The following LMX1A variants were observed in gnomAD, a reference collection of about 807,000 sequenced individuals.
The protein encoded by LMX1A is LIM homeobox transcription factor 1 alpha.
In LMX1A, 15 loss-of-function variants were observed where a neutral mutation model predicts 49.1. The observed-to-expected ratio is 0.31, with a 90% CI of 0.20 to 0.47. The LOEUF is 0.47. Among genes scored for constraint, LMX1A ranks in the 20% least tolerant of loss-of-function variants. The probability of loss-of-function intolerance (pLI) is 1.00; values close to 1 mark genes in which losing one functional copy is unlikely to be tolerated. For synonymous variants in LMX1A, 167 were observed against 185.7 expected (o/e 0.90, Z 0.82); for missense variants, 372 against 475.8 (o/e 0.78, Z 2.03).
At chr1:165,352,014 C>T (rs953099664) in intron 3 of LMX1A, among the ~76,000 whole-genome samples, 3 of 152,222 alleles carry the variant, frequency 2.0e-5, no homozygotes, top group Admixed American at 6.5e-5. Flanking sequence ...TCAACCTACA[C>T]CAGTCCTAAT....
Position 165,221,038 on chromosome 1 carries a change from T to C in LMX1A, c.497-7225A>G, listed in dbSNP as rs77172592. 6.5e-3 allele frequency among the ~76,000 whole-genome samples: 990 copies of C among 152,268 alleles called. 37 individuals carry two copies. In the East Asian group the frequency reaches 0.094, roughly 14 times the overall value. On this transcript the variant is annotated intron_variant, in intron 4 of 8. Transcript: ENST00000342310. ...ACCCTATGAGACAGGAAATGCCTTGTTATCGGTTTTTTACAGATGAGCAAA... is the reference window on the plus strand; with the variant it reads ...ACCCTATGAGACAGGAAATGCCTTGCTATCGGTTTTTTACAGATGAGCAAA...
intron 5 of LMX1A, chr1:165,213,405 CA>C (rs1651505678): frequency 2.2e-6 from 1 of 446,638 alleles, no homozygotes; most frequent in Non-Finnish European, 3.9e-6. Context: ...AAAGGTGTGA[CA>C]GGGGCCATTT....
At chr1:165,208,020 C>G in intron 7 of LMX1A, 43 bp downstream of exon 7, 1 of 1,584,032 alleles carries the variant, frequency 6.3e-7, no homozygotes, top group Non-Finnish European at 8.7e-7. Flanking sequence ...TAGGAACAGC[C>G]TGGATTCCAG....
chr1:165,213,901 C>T, intron 4 of LMX1A, 88 bp from the exon 5 acceptor site: 2 of 1,163,358 alleles, frequency 1.7e-6, no homozygotes, highest in Non-Finnish European at 2.5e-6. Flanking sequence ...TCCAGGTCCA[C>T]ATTTCCAGGA....
In LMX1A at chr1:165,355,544, T is replaced by C; in HGVS notation, c.16A>G (p.Lys6Glu). Residue 6 changes from lysine to glutamate, a missense_variant, in exon 2 of 9, where the codon AAG becomes GAG. By Grantham distance (56) the Lys-to-Glu change is moderately conservative (BLOSUM62 1). Coordinates refer to ENST00000342310, the MANE Select transcript of LMX1A (RefSeq NM_177398.4). This position sits in a 1 kb window ranked among gnomAD's most constrained non-coding sequence, Gnocchi z 4.7. ...GCGCTTTGGAAGTTCTCCTCCATCT[T>C]TAGGCCGTCCAGCATGTTCGGGCCG... MLDGLKMEENFQSAID... is the reference protein window; with the variant it reads MLDGLEMEENFQSAID... 6.2e-7 allele frequency: 1 copy of C among 1,613,866 alleles called. No individual in the cohort carries two copies. Among genetic ancestry groups the C allele is most frequent in the Non-Finnish European group, 8.5e-7 (1 of 1,179,948 alleles).
intron 3 of LMX1A, among the ~76,000 whole-genome samples, chr1:165,294,921 G>A (rs1057405971): frequency 2.0e-5 from 3 of 152,058 alleles, no homozygotes; most frequent in Admixed American, 1.3e-4. Flanking sequence ...CCGAGATCAC[G>A]CCAGTGCACA....
intron 4 of LMX1A, among the ~76,000 whole-genome samples, chr1:165,215,346 G>A (rs1021712904): frequency 6.6e-6 from 1 of 152,092 alleles, no homozygotes; most frequent in African/African-American, 2.4e-5. Flanking sequence ...AAAGCCATAG[G>A]CAATTCTATG....
At chr1:165,233,706 T>A (rs1443468297) in intron 4 of LMX1A, among the ~76,000 whole-genome samples, 5 of 152,302 alleles carry the variant, frequency 3.3e-5, no homozygotes, top group African/African-American at 1.2e-4. Context: ...GAACTCTCAG[T>A]CATCCTCAAC....
chr1:165,342,919 C>T (rs1401453824), intron 3 of LMX1A, among the ~76,000 whole-genome samples: 1 of 152,014 alleles, frequency 6.6e-6, no homozygotes, highest in East Asian at 1.9e-4. Context: ...TCCCAGTTTC[C>T]TCTTCCCCAA....
chr1:165,237,658 T>C (rs1411947470), intron 4 of LMX1A, among the ~76,000 whole-genome samples: 1 of 152,222 alleles, frequency 6.6e-6, no homozygotes, highest in African/African-American at 2.4e-5. Context: ...AGAATCCAGA[T>C]GGTTCTAAAA....
At chr1:165,204,802 GC>G (rs1223260072) in intron 8 of LMX1A, among the ~76,000 whole-genome samples, 1 of 152,152 alleles carries the variant, frequency 6.6e-6, no homozygotes, top group Non-Finnish European at 1.5e-5. Context: ...AAATGTGTTT[GC>G]CCTGTTTTCC....
chr1:165,204,453 CTG>C (rs1390290069), intron 8 of LMX1A, among the ~76,000 whole-genome samples: 6 of 152,212 alleles, frequency 3.9e-5, no homozygotes, highest in Non-Finnish European at 8.8e-5. Context: ...ATGAAAACTC[CTG>C]TGATAACATT....
chr1:165,327,065 G>A (rs1655607303), intron 3 of LMX1A, among the ~76,000 whole-genome samples: 1 of 152,150 alleles, frequency 6.6e-6, no homozygotes, highest in African/African-American at 2.4e-5. Context: ...TTGATGGGCA[G>A]CTGAAAACAT....
At chr1:165,326,950 C>T (rs139625464) in intron 3 of LMX1A, among the ~76,000 whole-genome samples, 29 of 152,334 alleles carry the variant, frequency 1.9e-4, no homozygotes, top group African/African-American at 6.5e-4. Context: ...CCCAGACACA[C>T]ACACAGAACA....
intron 3 of LMX1A, among the ~76,000 whole-genome samples, chr1:165,331,859 G>A (rs542471855): frequency 2.6e-5 from 4 of 152,298 alleles, no homozygotes; most frequent in African/African-American, 9.6e-5. Context: ...GGAAGTTGCA[G>A]TGAGACAAAA....
intron 3 of LMX1A, among the ~76,000 whole-genome samples, chr1:165,257,332 G>T (rs963478967): frequency 6.6e-6 from 1 of 151,986 alleles, no homozygotes; most frequent in Non-Finnish European, 1.5e-5. Context: ...AGATCAAGCA[G>T]TTAAGATGGC....
chr1:165,264,926 G>A (rs951814379), intron 3 of LMX1A, among the ~76,000 whole-genome samples: 4 of 151,978 alleles, frequency 2.6e-5, no homozygotes, highest in South Asian at 2.1e-4. Flanking sequence ...AAGGAAGGCC[G>A]GGCGCGGTGG....
At chr1:165,329,780 A>C (rs1655693066) in intron 3 of LMX1A, among the ~76,000 whole-genome samples, 1 of 152,186 alleles carries the variant, frequency 6.6e-6, no homozygotes, top group Non-Finnish European at 1.5e-5. Flanking sequence ...AAAATCAAAA[A>C]CTGTGGAAGT....
chr1:165,265,480 C>G (rs1447259587), intron 3 of LMX1A, among the ~76,000 whole-genome samples: 1 of 152,086 alleles, frequency 6.6e-6, no homozygotes, highest in Non-Finnish European at 1.5e-5. Context: ...TGTGGAGTTC[C>G]CTTTCAAAAG....
Sources: allele counts gnomAD v4.1 joint callset (sites outside exome capture counted in the v4.1 genomes callset), GRCh38; gene constraint gnomAD v4.1.1; non-coding constraint Gnocchi (gnomAD v3.1); transcripts MANE v1.5; gene names NCBI Gene and HGNC (gene_info 2026-07-23, HGNC 2026-07-21).